Variants in USP24 observed in about 807,000 individuals in gnomAD.
The protein encoded by USP24 is ubiquitin specific peptidase 24.
USP24 carries 97 observed loss-of-function variants against 361.6 expected under a neutral mutation model. The ratio of observed to expected loss-of-function variants is 0.27; its 90% confidence interval spans 0.23 to 0.32. The LOEUF is 0.32. Ranked by LOEUF, USP24 falls within the 10% of genes least tolerant of loss-of-function variation. The pLI is 1.00. For missense variants in USP24, 2,353 were observed against 3,165.6 expected (o/e 0.74, Z 6.16); for synonymous variants, 1,098 against 1,124.6 (o/e 0.98, Z 0.47).
chr1:55,158,862 C>A lies in USP24; in HGVS notation c.1227+16G>T. ...ATCTGTGCATTAAGTCTTGTAGAAACAAATGAAAAACTTACTTCTTTGAGA... is the reference window on the plus strand; with the variant it reads ...ATCTGTGCATTAAGTCTTGTAGAAAAAAATGAAAAACTTACTTCTTTGAGA... On this transcript the variant is annotated intron_variant, in intron 10 of 67. Coordinates refer to ENST00000294383, the MANE Select transcript of USP24 (RefSeq NM_015306.3). 1.4e-6 allele frequency: 2 copies of A among 1,477,738 alleles called. No individual in the cohort carries two copies. The highest frequency in any genetic ancestry group is 2.4e-5 in the East Asian group (1 of 41,054). 91.5% of individuals were successfully genotyped at this position (1,477,738 alleles called of 1,614,324 possible).
chr1:55,153,816 A>C, intron 16 of USP24, 54 bp downstream of exon 16: 1 of 1,447,530 alleles, frequency 6.9e-7, no homozygotes. Context: ...AATTTATTAA[A>C]GGAAATTATT....
chr1:55,106,019 T>G, intron 41 of USP24, 127 bp downstream of exon 41: 1 of 762,130 alleles, frequency 1.3e-6, no homozygotes, highest in Non-Finnish European at 2.2e-6. Context: ...TTTCTTCATT[T>G]AGTGGATAAT....
chr1:55,171,749 A>G, intron 4 of USP24, 71 bp from the exon 5 acceptor site: 11 of 1,492,276 alleles, frequency 7.4e-6, no homozygotes, highest in Non-Finnish European at 1.0e-5. Context: ...TTAGAAAAGA[A>G]GATAAAAATA....
Position 55,079,797 on chromosome 1 carries a change from T to TACTCTCACAGAGTACTCACACAGAGG in USP24, c.7079-139_7079-138insCCTCTGTGTGAGTACTCTGTGAGAGT. On this transcript the variant is annotated intron_variant, in intron 59 of 67. Coordinates refer to ENST00000294383, the MANE Select transcript of USP24 (RefSeq NM_015306.3). The stretch of plus-strand genomic sequence containing the variant: ...TCTCACAGAGTACTCACACACTGAG[T>TACTCTCACAGAGTACTCACACAGAGG]ACTCACACACTGAGTACTCGCAGAG... 3 of 1,155,362 alleles carry TACTCTCACAGAGTACTCACACAGAGG rather than the reference T, an allele frequency of 2.6e-6. 1 individual carries two copies. Among genetic ancestry groups the TACTCTCACAGAGTACTCACACAGAGG allele is most frequent in the Non-Finnish European group, 2.3e-6 (2 of 865,322 alleles). 71.6% of individuals were successfully genotyped at this position (1,155,362 alleles called of 1,614,324 possible). A position where few individuals can be genotyped will look rare whatever the true frequency, so the allele number is the denominator to read the frequency against.
In USP24 at chr1:55,107,331, T is replaced by A. The variant is rs760229218; in HGVS notation, c.4670A>T (p.Glu1557Val). The change falls in exon 40 of 68, where the codon GAG becomes GTG. Residue 1557 changes from glutamate to valine, a missense_variant. Around this residue, in one of 8 missense-constraint regions of USP24, gnomAD observed 949 missense variants for 1,280.5 expected, o/e 0.74. Transcript: ENST00000294383. ...TAAGATGTTGTCCGCTTCACTGGTCTCACATTCAGCTGTACGATTAGGTTC... is the reference window on the plus strand; with the variant it reads ...TAAGATGTTGTCCGCTTCACTGGTCACACATTCAGCTGTACGATTAGGTTC... ...NFEPNRTAEC[E>V]TSEADNILLA... The A allele has an allele frequency of 1.2e-6, 2 of 1,613,988 alleles. No homozygotes were observed. Among genetic ancestry groups the A allele is most frequent in the South Asian group, 2.2e-5 (2 of 91,082 alleles).
intron 38 of USP24, among the ~76,000 whole-genome samples, chr1:55,112,011 AG>A (rs773827906): frequency 1.3e-5 from 2 of 152,166 alleles, no homozygotes; most frequent in South Asian, 4.1e-4. Flanking sequence ...GAAATTCTGT[AG>A]ATTATACATA....
In USP24 at chr1:55,158,969, A is replaced by G. The variant is rs1570573896; in HGVS notation, c.1136T>C (p.Leu379Pro). The change falls in exon 10 of 68, where the codon CTG (leucine) becomes CCG (proline). Residue 379 changes from leucine (L) to proline (P), a missense_variant. By Grantham distance (98) the Leu-to-Pro change is moderately conservative. Coordinates refer to ENST00000294383, the MANE Select transcript of USP24 (RefSeq NM_015306.3). ...KLLCMRFQPD[L>P]VTIVDDLRLD... ...TCGAAGGTCATCCACAATTGTCACC[A>G]GATCCGGTTGGAAGCGCATGCAAAG... 6.3e-7 allele frequency: 1 copy of G among 1,598,578 alleles called. No individual in the cohort carries two copies. The highest frequency in any genetic ancestry group is 8.5e-7 in the Non-Finnish European group (1 of 1,171,078).
At chr1:55,160,868 T>C (rs940831305) in intron 8 of USP24, among the ~76,000 whole-genome samples, 1 of 152,198 alleles carries the variant, frequency 6.6e-6, no homozygotes, top group East Asian at 1.9e-4. Flanking sequence ...ATTATTAAAA[T>C]ATTAAAAAGT....
chr1:55,143,550 G>A (rs1646946972), intron 21 of USP24, among the ~76,000 whole-genome samples: 1 of 152,086 alleles, frequency 6.6e-6, no homozygotes. Context: ...AGGACCCAGG[G>A]CTTGTAAAAT....
intron 67 of USP24, among the ~76,000 whole-genome samples, chr1:55,069,876 A>G (rs1309406107): frequency 3.5e-5 from 5 of 144,862 alleles, no homozygotes; most frequent in Non-Finnish European, 4.5e-5. Context: ...CCATCTCAAA[A>G]AAAAAAAAAA....
At position 55,144,816 on chromosome 1, in the gene USP24, C is replaced by T. The variant is rs575240329; in HGVS notation, c.2363-613G>A. ...AGGCATGGTGGCATGCGCCTATAAT[C>T]CCAGCTACTCGGGAAGCTGAGGCAG... On this transcript the variant is annotated intron_variant, in intron 20 of 67. Coordinates refer to ENST00000294383, the MANE Select transcript of USP24 (RefSeq NM_015306.3). Among the ~76,000 whole-genome samples the T allele has an allele frequency of 3.3e-5, 5 of 152,210 alleles. No individual in the cohort carries two copies. The South Asian group carries it at 8.3e-4, about 25-fold the overall frequency.
intron 1 of USP24, among the ~76,000 whole-genome samples, chr1:55,211,899 A>G (rs780416279): frequency 8.5e-5 from 13 of 152,274 alleles, no homozygotes; most frequent in Admixed American, 2.0e-4. Context: ...ATAATTTAAA[A>G]TAAGGTACTC....
At chr1:55,106,363 C>T (rs1645773185) in intron 40 of USP24, 100 bp from the exon 41 acceptor site, 1 of 827,802 alleles carries the variant, frequency 1.2e-6, no homozygotes, top group Non-Finnish European at 2.0e-6. Flanking sequence ...GTACCCAATG[C>T]CACCCAATAG....
chr1:55,083,241 A>G, intron 58 of USP24, 31 bp downstream of exon 58: 1 of 1,599,552 alleles, frequency 6.3e-7, no homozygotes, highest in Non-Finnish European at 8.5e-7. Flanking sequence ...AACCATAGCT[A>G]TTCCACTAGG....
Position 55,095,236 on chromosome 1 carries a change from A to G in USP24, c.6203+19T>C. On this transcript the variant is annotated intron_variant, in intron 51 of 67. Transcript: ENST00000294383. Reference sequence around the variant, plus strand: ...CACCATAGAAATCACACAGCAAATTACATGGAAGAGACACTTACAGAGAGA... The same window carrying G: ...CACCATAGAAATCACACAGCAAATTGCATGGAAGAGACACTTACAGAGAGA... 1 of 1,611,908 alleles carries G rather than the reference A, an allele frequency of 6.2e-7. No homozygotes were observed. Among genetic ancestry groups the G allele is most frequent in the East Asian group, 2.2e-5 (1 of 44,842 alleles).
At chr1:55,098,868 T>C (rs947860003) in intron 45 of USP24, among the ~76,000 whole-genome samples, 1 of 152,130 alleles carries the variant, frequency 6.6e-6, no homozygotes, top group African/African-American at 2.4e-5. Context: ...AATCTTTTCT[T>C]TTTTCTTGTG....
intron 1 of USP24, among the ~76,000 whole-genome samples, chr1:55,195,762 A>T (rs1426629733): frequency 1.3e-5 from 2 of 152,294 alleles, no homozygotes; most frequent in Non-Finnish European, 2.9e-5. Flanking sequence ...AGAAACAGAA[A>T]GTAAAGTGGT....
intron 16 of USP24, among the ~76,000 whole-genome samples, chr1:55,149,630 T>G (rs1647135726): frequency 6.6e-6 from 1 of 152,178 alleles, no homozygotes; most frequent in Admixed American, 6.6e-5. Context: ...TCATATATTT[T>G]AACATATCTG....
intron 1 of USP24, among the ~76,000 whole-genome samples, chr1:55,211,762 A>G (rs1249189986): frequency 6.6e-6 from 1 of 152,218 alleles, no homozygotes; most frequent in Non-Finnish European, 1.5e-5. Flanking sequence ...TGCTATCCCC[A>G]AACTACAAAT....
Sources: allele counts gnomAD v4.1 joint callset (sites outside exome capture counted in the v4.1 genomes callset), GRCh38; gene constraint gnomAD v4.1.1; regional missense constraint gnomAD v4.1.1; transcripts MANE v1.5; gene names NCBI Gene and HGNC (gene_info 2026-07-23, HGNC 2026-07-21).